Variants in PLEKHH2 observed in about 807,000 individuals in gnomAD.
The protein encoded by PLEKHH2 is pleckstrin homology, MyTH4 and FERM domain containing H2.
A neutral mutation model predicts 187.9 loss-of-function variants in PLEKHH2; 129 were observed. The observed-to-expected ratio is 0.69, with a 90% confidence interval of 0.59 to 0.79. The LOEUF (loss-of-function observed/expected upper bound fraction) is 0.79. PLEKHH2 is among the 30% of genes least tolerant of loss of function. The probability of loss-of-function intolerance (pLI) is 0.00; values close to 1 mark genes in which losing one functional copy is unlikely to be tolerated. For missense variants in PLEKHH2, 2,076 were observed against 1,751.2 expected (o/e 1.19, Z -3.31); for synonymous variants, 686 against 605.6 (o/e 1.13, Z -1.95).
At chr2:43,650,415 G>A (rs894891770) in intron 2 of PLEKHH2, among the ~76,000 whole-genome samples, 4 of 151,878 alleles carry the variant, frequency 2.6e-5, no homozygotes, top group African/African-American at 9.7e-5. Context: ...TTACAGACGT[G>A]AGCCACTGTA....
At chr2:43,675,881 C>T (rs948589798) in intron 2 of PLEKHH2, 2 of 1,613,990 alleles carry the variant, frequency 1.2e-6, no homozygotes, top group African/African-American at 1.3e-5. Context: ...TTTTCAATGA[C>T]AGCAAACGTA....
intron 17 of PLEKHH2, 146 bp downstream of exon 17, chr2:43,726,597 C>A (rs1558571346): frequency 2.8e-6 from 2 of 703,686 alleles, no homozygotes. Flanking sequence ...TTCTTTACCT[C>A]CCTGGAAATG....
intron 1 of PLEKHH2, among the ~76,000 whole-genome samples, chr2:43,641,954 A>G (rs1368076103): frequency 3.9e-5 from 6 of 152,162 alleles, no homozygotes; most frequent in Admixed American, 6.5e-5. Flanking sequence ...TATTTTGTCT[A>G]TTCTTCAGCC....
At chr2:43,731,299 A>T (rs547596373) in intron 18 of PLEKHH2, among the ~76,000 whole-genome samples, 191 bp from the exon 19 acceptor site, 1 of 152,312 alleles carries the variant, frequency 6.6e-6, no homozygotes, top group East Asian at 1.9e-4. Context: ...AACACAAAAA[A>T]CAGTAACATG....
At chr2:43,715,612 A>G (rs1670175593) in intron 15 of PLEKHH2, among the ~76,000 whole-genome samples, 2 of 152,166 alleles carry the variant, frequency 1.3e-5, no homozygotes, top group African/African-American at 4.8e-5. Context: ...GATGAATTTA[A>G]ATAATGGTAA....
intron 1 of PLEKHH2, among the ~76,000 whole-genome samples, chr2:43,642,488 A>G (rs896072983): frequency 3.3e-5 from 5 of 152,108 alleles, no homozygotes; most frequent in Non-Finnish European, 7.4e-5. Context: ...TATTATCTCT[A>G]TTACAGTGTT....
chr2:43,739,150 C>G (rs1051294371), intron 20 of PLEKHH2, among the ~76,000 whole-genome samples: 4 of 152,204 alleles, frequency 2.6e-5, no homozygotes, highest in African/African-American at 9.6e-5. Context: ...TCTGGCCTCC[C>G]AAAGTACTGG....
rs1374551790 is a variant in PLEKHH2, at chr2:43,710,517, A to T, written c.2243A>T (p.His748Leu). ...PSDVIRKPQG[H>L]IELSASCSIL... ...GATGTAATTAGAAAACCCCAGGGCCATATTGAACTTAGTGCATCCTGTAGT... is the reference window on the plus strand; with the variant it reads ...GATGTAATTAGAAAACCCCAGGGCCTTATTGAACTTAGTGCATCCTGTAGT... Residue 748 changes from histidine to leucine, a missense_variant, in exon 14 of 30, where the codon CAT becomes CTT. His to Leu is a moderately conservative substitution (Grantham distance 99, BLOSUM62 -3). Coordinates refer to ENST00000282406, the MANE Select transcript of PLEKHH2 (RefSeq NM_172069.4). The T allele has an allele frequency of 6.3e-7, 1 of 1,598,356 alleles. No homozygotes were observed. The highest frequency in any genetic ancestry group is 2.2e-5 in the East Asian group (1 of 44,806).
At chr2:43,712,517 A>C in intron 15 of PLEKHH2, 134 bp downstream of exon 15, 5 of 1,055,222 alleles carry the variant, frequency 4.7e-6, no homozygotes, top group Non-Finnish European at 6.5e-6. Context: ...GGGTGTTTTT[A>C]AGTATGATGC....
rs190166784 is a variant in PLEKHH2 at position 43,718,169 on chromosome 2, A to C, written c.2461-2500A>C. Among the ~76,000 whole-genome samples, 5 of 152,314 alleles carry C rather than the reference A, an allele frequency of 3.3e-5. No homozygotes were observed. In the East Asian group the frequency reaches 9.6e-4, roughly 29 times the overall value. On this transcript the variant is annotated intron_variant, in intron 15 of 29. Transcript: ENST00000282406. The stretch of plus-strand genomic sequence containing the variant: ...TTTAATTAGATCACCTTGAGATTTG[A>C]GGTTGCCTTTAAATTTTCGTGAGGA...
At chr2:43,697,086 G>A in intron 6 of PLEKHH2, 85 bp from the exon 7 acceptor site, 1 of 1,158,776 alleles carries the variant, frequency 8.6e-7, no homozygotes, top group South Asian at 2.0e-5. Context: ...AGAGTGATTT[G>A]TTCAAGTTTT....
chr2:43,699,986 T>A lies in PLEKHH2; in HGVS notation c.1028T>A (p.Ile343Lys), dbSNP rs1457311759. The change falls in exon 8 of 30, where the codon ATA becomes AAA. Residue 343 changes from isoleucine to lysine, a missense_variant. Transcript: ENST00000282406. ...ATATTTGAGGAAGAGACTTTTGGCA[T>A]AAAGAGACCAGAACACAAGAAGCTA... ...SSIFEEETFG[I>K]KRPEHKKLYS... is the part of the protein sequence containing the mutation. 6.2e-7 allele frequency: 1 copy of A among 1,614,044 alleles called. No homozygotes were observed. The highest frequency in any genetic ancestry group is 8.5e-7 in the Non-Finnish European group (1 of 1,179,982).
chr2:43,667,588 T>C (rs1362738465), intron 2 of PLEKHH2, among the ~76,000 whole-genome samples: 1 of 152,214 alleles, frequency 6.6e-6, no homozygotes, highest in Non-Finnish European at 1.5e-5. Context: ...ATCCGTATAG[T>C]GGAATATCAT....
rs922211220 is a variant in PLEKHH2 at position 43,694,365 on chromosome 2, A to G, written c.337-66A>G. The G allele has an allele frequency of 2.0e-5, 29 of 1,471,522 alleles. No homozygotes were observed. The African/African-American group carries it at 3.7e-4, about 19-fold the overall frequency. 91.2% of individuals were successfully genotyped at this position (1,471,522 alleles called of 1,614,324 possible). A position where few individuals can be genotyped will look rare whatever the true frequency, so the allele number is the denominator to read the frequency against. On this transcript the variant is annotated intron_variant, in intron 4 of 29. Coordinates refer to ENST00000282406, the MANE Select transcript of PLEKHH2 (RefSeq NM_172069.4). ...TTAAGTGGATATGCCTTGTATATTTATGGTAAAACATTTCCAGACCATTGA... is the reference window on the plus strand; with the variant it reads ...TTAAGTGGATATGCCTTGTATATTTGTGGTAAAACATTTCCAGACCATTGA...
At chr2:43,644,340 AT>A (rs1221354068) in intron 1 of PLEKHH2, among the ~76,000 whole-genome samples, 1 of 152,110 alleles carries the variant, frequency 6.6e-6, no homozygotes, top group African/African-American at 2.4e-5. Flanking sequence ...GCAGTATTTC[AT>A]TTGTCCCTCA....
At chr2:43,695,712 CA>C (rs1319120581) in intron 6 of PLEKHH2, among the ~76,000 whole-genome samples, 2 of 152,110 alleles carry the variant, frequency 1.3e-5, no homozygotes, top group Non-Finnish European at 2.9e-5. Context: ...GGGACTTTAC[CA>C]CACAAGATAG....
chr2:43,678,406 C>G (rs1667975280), intron 2 of PLEKHH2, among the ~76,000 whole-genome samples: 1 of 152,124 alleles, frequency 6.6e-6, no homozygotes, highest in Non-Finnish European at 1.5e-5. Flanking sequence ...CCACTGCACT[C>G]CAGCCTGGGC....
chr2:43,709,394 A>G (rs1669828899), intron 11 of PLEKHH2, among the ~76,000 whole-genome samples: 1 of 152,224 alleles, frequency 6.6e-6, no homozygotes, highest in African/African-American at 2.4e-5. Context: ...GTTTGCCTAT[A>G]TGTCAATGTG....
chr2:43,738,564 T>C (rs1448377446), intron 20 of PLEKHH2, 44 bp downstream of exon 20: 2 of 1,507,158 alleles, frequency 1.3e-6, no homozygotes, highest in Non-Finnish European at 1.8e-6. Context: ...TTAAAGTGTT[T>C]TTTTTTCTGA....
Sources: allele counts gnomAD v4.1 joint callset (sites outside exome capture counted in the v4.1 genomes callset), GRCh38; gene constraint gnomAD v4.1.1; transcripts MANE v1.5; gene names NCBI Gene and HGNC (gene_info 2026-07-23, HGNC 2026-07-21).